The following WDTC1 variants were observed in gnomAD, a reference collection of about 807,000 sequenced individuals.
WDTC1 encodes WD and tetratricopeptide repeats 1.
Under a neutral mutation model 76.0 loss-of-function variants are expected in WDTC1, and 12 were observed. That is an observed-to-expected ratio of 0.16 (90% CI 0.10 to 0.26). WDTC1 has a LOEUF of 0.26. Among genes scored for constraint, WDTC1 ranks in the 10% least tolerant of loss-of-function variants. The pLI, the probability that WDTC1 is intolerant of heterozygous loss-of-function variation, is 1.00. For synonymous variants in WDTC1, 326 were observed against 350.8 expected (o/e 0.93, Z 0.79); for missense variants, 511 against 908.8 (o/e 0.56, Z 5.63).
At chr1:27,236,432 G>A (rs2011491169) in intron 1 of WDTC1, among the ~76,000 whole-genome samples, 1 of 152,132 alleles carries the variant, frequency 6.6e-6, no homozygotes, top group African/African-American at 2.4e-5. Flanking sequence ...ACCTATATGG[G>A]AGCACTTCTG....
chr1:27,286,264 A>G (rs2013333064), intron 5 of WDTC1, among the ~76,000 whole-genome samples: 2 of 150,052 alleles, frequency 1.3e-5, no homozygotes, highest in Admixed American at 1.3e-4. Context: ...CGGCCCCCCA[A>G]AGTGTTGGGA....
chr1:27,295,730 A>G (rs568400038), intron 9 of WDTC1, among the ~76,000 whole-genome samples: 1 of 152,058 alleles, frequency 6.6e-6, no homozygotes, highest in Non-Finnish European at 1.5e-5. Context: ...CTGGGATTAC[A>G]GGCATTAACC....
At chr1:27,235,318 G>A (rs1557470380) in intron 1 of WDTC1, among the ~76,000 whole-genome samples, 1 of 152,112 alleles carries the variant, frequency 6.6e-6, no homozygotes, top group Non-Finnish European at 1.5e-5. Flanking sequence ...AGGTGTAAGT[G>A]CTGGGAGGGC....
intron 1 of WDTC1, among the ~76,000 whole-genome samples, chr1:27,242,491 C>T (rs1049683537): frequency 3.3e-5 from 5 of 150,984 alleles, no homozygotes; most frequent in East Asian, 4.0e-4. Flanking sequence ...GAGACGGAGA[C>T]GGAGTTTCGC....
chr1:27,267,053 C>T (rs1279552865), intron 3 of WDTC1, among the ~76,000 whole-genome samples: 1 of 152,144 alleles, frequency 6.6e-6, no homozygotes, highest in Non-Finnish European at 1.5e-5. Flanking sequence ...CCTATTCAAC[C>T]ATGCGATTTC....
chr1:27,234,549 G>T (rs376355134), upstream of WDTC1: 60 of 382,874 alleles, frequency 1.6e-4, no homozygotes, highest in East Asian at 1.6e-3. Flanking sequence ...TTCTGGAAGC[G>T]GCCGGGCGCA....
At chr1:27,260,400 C>T (rs545304328) in intron 1 of WDTC1, among the ~76,000 whole-genome samples, 8 of 152,302 alleles carry the variant, frequency 5.3e-5, no homozygotes, top group African/African-American at 1.4e-4. Flanking sequence ...CCACCGCGCC[C>T]GGCCCTACGA....
chr1:27,252,995 T>G (rs538812394), intron 1 of WDTC1, among the ~76,000 whole-genome samples: 4 of 142,944 alleles, frequency 2.8e-5, no homozygotes, highest in African/African-American at 1.0e-4. Flanking sequence ...TTAATTCATG[T>G]TGTTCTTTCT....
chr1:27,297,353 G>A (rs540729614), intron 11 of WDTC1, among the ~76,000 whole-genome samples, 197 bp downstream of exon 11: 7 of 152,318 alleles, frequency 4.6e-5, no homozygotes, highest in Non-Finnish European at 1.5e-5. Context: ...CACTAGTCAT[G>A]GTCAGACTGT....
chr1:27,263,247 A>G lies in WDTC1; in HGVS notation c.132+12A>G. ...AAGCAGAGCTGCAGGTAAGAGATCC[A>G]GTTTGCACCTTAGATGCAGATGGCC... On this transcript the variant is annotated intron_variant, in intron 3 of 15. Transcript: ENST00000319394. The G allele has an allele frequency of 6.2e-7, 1 of 1,611,348 alleles. No individual in the cohort carries two copies. The highest frequency in any genetic ancestry group is 8.5e-7 in the Non-Finnish European group (1 of 1,179,212).
rs1247630062 is a variant in WDTC1, at chr1:27,297,120, A to T, written c.1022A>T (p.Asn341Ile). The T allele has an allele frequency of 2.9e-5, 47 of 1,613,642 alleles. No individual in the cohort carries two copies. Among genetic ancestry groups the T allele is most frequent in the Non-Finnish European group, 3.9e-5 (46 of 1,179,844 alleles). Residue 341 changes from asparagine (N) to isoleucine (I), a missense_variant, in exon 11 of 16, where the codon AAT becomes ATT. Asn to Ile is a moderately radical substitution (Grantham distance 149). Transcript: ENST00000319394. ...TCCAATGGCCTGCACCTTCATAGCA[A>T]TGGCTTCCGGCTGCCGGAGAGTAGG... ...GVSNGLHLHS[N>I]GFRLPESRGH...
At chr1:27,237,190 G>T (rs2011507788) in intron 1 of WDTC1, among the ~76,000 whole-genome samples, 1 of 151,962 alleles carries the variant, frequency 6.6e-6, no homozygotes, top group Admixed American at 6.6e-5. Flanking sequence ...GCCTGGGCTG[G>T]TCTCAAACTC....
At chr1:27,250,764 A>C (rs2012022122) in intron 1 of WDTC1, among the ~76,000 whole-genome samples, 1 of 152,018 alleles carries the variant, frequency 6.6e-6, no homozygotes, top group Non-Finnish European at 1.5e-5. Flanking sequence ...TCACAAATGT[A>C]CTTTGTTCTA....
chr1:27,297,462 G>A (rs909439639), intron 11 of WDTC1, among the ~76,000 whole-genome samples: 1 of 152,166 alleles, frequency 6.6e-6, no homozygotes, highest in Non-Finnish European at 1.5e-5. Context: ...ATACAAATGG[G>A]CCTCCGCATT....
At chr1:27,281,190 G>A (rs754463175) in intron 3 of WDTC1, among the ~76,000 whole-genome samples, 15 of 151,976 alleles carry the variant, frequency 9.9e-5, no homozygotes, top group Non-Finnish European at 1.8e-4. Context: ...GGCTGGGCGC[G>A]GTGGCTCACG....
chr1:27,273,465 C>T (rs1371802593), intron 3 of WDTC1, among the ~76,000 whole-genome samples: 1 of 152,074 alleles, frequency 6.6e-6, no homozygotes, highest in African/African-American at 2.4e-5. Flanking sequence ...GCCTCAGCCT[C>T]CCAAAGTGTT....
intron 1 of WDTC1, among the ~76,000 whole-genome samples, chr1:27,250,329 T>C (rs72880888): frequency 0.055 from 8,293 of 151,990 alleles, 804 homozygotes; most frequent in African/African-American, 0.19. Context: ...TTTGTATTTT[T>C]AGTAGAAACG....
upstream of WDTC1, chr1:27,234,554 G>T: frequency 2.6e-6 from 1 of 385,970 alleles, no homozygotes; most frequent in Non-Finnish European, 4.6e-6. Context: ...GAAGCGGCCG[G>T]GCGCAGTCTT....
At chr1:27,269,372 G>A (rs886508727) in intron 3 of WDTC1, among the ~76,000 whole-genome samples, 1 of 150,066 alleles carries the variant, frequency 6.7e-6, no homozygotes, top group Admixed American at 6.7e-5. Context: ...CAGTAAATTC[G>A]TTAGGCTAAC....
Sources: gnomAD v4.1 joint callset for allele counts (sites outside exome capture counted in the v4.1 genomes callset) on GRCh38, gnomAD v4.1.1 for gene constraint, MANE v1.5 for transcripts, NCBI Gene and HGNC (gene_info 2026-07-23, HGNC 2026-07-21) for gene names.